FRMD4B: variants seen among roughly 807,000 people sequenced by gnomAD.
FRMD4B encodes the protein FERM domain-containing protein 4B.
FRMD4B carries 74 observed loss-of-function variants against 141.5 expected under a neutral mutation model. That is an observed-to-expected ratio of 0.52 (90% CI 0.43 to 0.63). The LOEUF is 0.63. Among genes scored for constraint, FRMD4B ranks in the 30% least tolerant of loss-of-function variants. The pLI is 0.00. For synonymous variants in FRMD4B, 506 were observed against 467.9 expected (o/e 1.08, Z -1.05); for missense variants, 1,366 against 1,253.4 (o/e 1.09, Z -1.36).
chr3:69,442,240 C>A (rs1705353286), intron 1 of FRMD4B, among the ~76,000 whole-genome samples: 2 of 152,152 alleles, frequency 1.3e-5, no homozygotes, highest in South Asian at 2.1e-4. Flanking sequence ...CACCATCATG[C>A]TCAGTTAATT....
At chr3:69,387,438 T>C (rs1014188012), upstream of FRMD4B, among the ~76,000 whole-genome samples, 1 of 152,204 alleles carries the variant, frequency 6.6e-6, no homozygotes, top group Admixed American at 6.5e-5. Context: ...TTAGAATGTA[T>C]GAAGATTTCT....
At chr3:69,374,102 C>A (rs771202810) in intron 1 of FRMD4B, among the ~76,000 whole-genome samples, 1 of 152,174 alleles carries the variant, frequency 6.6e-6, no homozygotes, top group Non-Finnish European at 1.5e-5. Context: ...AGTTTGCACT[C>A]TAGCATGATA....
At chr3:69,432,221 T>C (rs1705192462) in intron 2 of FRMD4B, among the ~76,000 whole-genome samples, 1 of 152,344 alleles carries the variant, frequency 6.6e-6, no homozygotes, top group South Asian at 2.1e-4. Flanking sequence ...AGTTGTCCCC[T>C]GGACTTAAGC....
chr3:69,477,685 C>A (rs1332272308), intron 1 of FRMD4B, among the ~76,000 whole-genome samples: 4 of 151,852 alleles, frequency 2.6e-5, no homozygotes, highest in Non-Finnish European at 5.9e-5. Flanking sequence ...TATGTCTCTG[C>A]CAGGCTTTGG....
chr3:69,266,181 G>T (rs193167279), intron 5 of FRMD4B, among the ~76,000 whole-genome samples: 1 of 151,892 alleles, frequency 6.6e-6, no homozygotes, highest in African/African-American at 2.4e-5. Flanking sequence ...CAGCCTGGGT[G>T]ACAGAGTGAG....
At chr3:69,247,983 G>C (rs1298426658) in intron 7 of FRMD4B, among the ~76,000 whole-genome samples, 2 of 147,732 alleles carry the variant, frequency 1.4e-5, no homozygotes, top group African/African-American at 2.5e-5. Context: ...GTAGAGACAG[G>C]GTTTCACCAT....
At chr3:69,515,958 G>T (rs1700751583) in intron 1 of FRMD4B, among the ~76,000 whole-genome samples, 1 of 152,152 alleles carries the variant, frequency 6.6e-6, no homozygotes, top group African/African-American at 2.4e-5. Flanking sequence ...GTCTTGGCCG[G>T]TTGCAGTGGC....
chr3:69,249,284 T>C lies in FRMD4B; in HGVS notation c.559-36A>G, dbSNP rs758863140. ...CAAACAAAAACAGAGTTGATCAATATGTATCTTTGTTAAGCTAAATGAGTT... is the reference window on the plus strand; with the variant it reads ...CAAACAAAAACAGAGTTGATCAATACGTATCTTTGTTAAGCTAAATGAGTT... On this transcript the variant is annotated intron_variant, in intron 6 of 22. Transcript: ENST00000398540. The C allele has an allele frequency of 4.7e-5, 68 of 1,440,928 alleles. No individual in the cohort carries two copies. In the South Asian group the frequency reaches 7.6e-4, roughly 16 times the overall value. The allele number at this position is 1,440,928 out of a possible 1,614,324, so 89.3% of individuals were successfully genotyped here.
chr3:69,271,338 T>C (rs1420210260), intron 5 of FRMD4B, among the ~76,000 whole-genome samples: 1 of 152,240 alleles, frequency 6.6e-6, no homozygotes, highest in Non-Finnish European at 1.5e-5. Context: ...GGAGGGCATT[T>C]TCCTTGTCCT....
chr3:69,220,641 C>G (rs2093184875), intron 9 of FRMD4B, among the ~76,000 whole-genome samples: 1 of 152,138 alleles, frequency 6.6e-6, no homozygotes. Flanking sequence ...CATTTGAGGT[C>G]AAGAGTTTGA....
intron 1 of FRMD4B, chr3:69,323,122 G>A (rs1702064846): frequency 7.5e-6 from 2 of 268,084 alleles, no homozygotes; most frequent in Non-Finnish European, 1.1e-5. Context: ...AATGAGGGAA[G>A]AGGGGAGGAA....
At chr3:69,474,533 T>A (rs1008211530) in intron 1 of FRMD4B, among the ~76,000 whole-genome samples, 6 of 152,156 alleles carry the variant, frequency 3.9e-5, no homozygotes, top group African/African-American at 1.4e-4. Context: ...ACAGTGGAGT[T>A]CCTGGTAGTT....
At chr3:69,386,895 G>A (rs1210569402), upstream of FRMD4B, among the ~76,000 whole-genome samples, 1 of 152,154 alleles carries the variant, frequency 6.6e-6, no homozygotes, top group African/African-American at 2.4e-5. Context: ...TAAGAGAATC[G>A]GTGGTTTAGT....
intron 7 of FRMD4B, among the ~76,000 whole-genome samples, chr3:69,228,949 G>A (rs1000239189): frequency 4.6e-5 from 7 of 150,604 alleles, no homozygotes; most frequent in African/African-American, 9.8e-5. Context: ...GATTAAAGGC[G>A]ACAAGTAATT....
At chr3:69,250,288 T>A (rs1483214554) in intron 5 of FRMD4B, 189 bp from the exon 6 acceptor site, 3 of 501,648 alleles carry the variant, frequency 6.0e-6, no homozygotes, top group Non-Finnish European at 1.0e-5. Flanking sequence ...CCACTGTGTG[T>A]GCGTGTGTGT....
At chr3:69,216,132 C>A (rs1012915435) in intron 11 of FRMD4B, 131 bp downstream of exon 11, 2 of 548,304 alleles carry the variant, frequency 3.6e-6, no homozygotes, top group Non-Finnish European at 6.6e-6. Context: ...CCAGCTTGGG[C>A]GACAAAGTGA....
chr3:69,350,128 A>G (rs1703086964), intron 1 of FRMD4B, among the ~76,000 whole-genome samples: 1 of 152,084 alleles, frequency 6.6e-6, no homozygotes. Flanking sequence ...AATTTACAAG[A>G]AAAAAACAAA....
At position 69,181,567 on chromosome 3, in the gene FRMD4B, T is replaced by C. The variant is rs766205750; in HGVS notation, c.2183A>G (p.Asp728Gly). ...QRSSSTEILD[D>G]GSSYTSQSST... ...TGATTGGCTTGTATAAGAAGACCCG[T>C]CATCGAGGATTTCTGTGCTGCTGCT... Residue 728 changes from aspartate (D) to glycine (G), a missense_variant, in exon 21 of 23, where the codon GAC (aspartate) becomes GGC (glycine). Coordinates refer to ENST00000398540, the MANE Select transcript of FRMD4B (RefSeq NM_015123.3). 2 of 1,613,784 alleles carry C rather than the reference T, an allele frequency of 1.2e-6. No homozygotes were observed. Among genetic ancestry groups the C allele is most frequent in the East Asian group, 4.5e-5 (2 of 44,886 alleles).
chr3:69,446,490 A>ACCTGGCT (rs1705412646), intron 1 of FRMD4B, among the ~76,000 whole-genome samples: 2 of 151,612 alleles, frequency 1.3e-5, no homozygotes, highest in African/African-American at 4.9e-5. Context: ...ACACCACCAC[A>ACCTGGCT]CCTGGCTAAT....
Sources: gnomAD v4.1 joint callset for allele counts (sites outside exome capture counted in the v4.1 genomes callset) on GRCh38, gnomAD v4.1.1 for gene constraint, MANE v1.5 for transcripts, NCBI Gene and HGNC (gene_info 2026-07-23, HGNC 2026-07-21) for gene names.